The following OPA3 variants were observed in gnomAD, a reference collection of about 807,000 sequenced individuals.
OPA3 encodes outer mitochondrial membrane lipid metabolism regulator OPA3.
Under a neutral mutation model 4.0 loss-of-function variants are expected in OPA3, and 6 were observed. The observed-to-expected ratio is 1.51, with a 90% CI of 0.83 to 2.99. The LOEUF (loss-of-function observed/expected upper bound fraction) is 2.99, where lower values mean the gene tolerates loss of function less well. Among genes scored for constraint, OPA3 ranks in the 30% most tolerant of loss-of-function variants. The pLI, the probability that OPA3 is intolerant of heterozygous loss-of-function variation, is 0.00. For synonymous variants in OPA3, 105 were observed against 117.1 expected, an observed-to-expected ratio of 0.90 and a Z score of 0.67; for missense variants, 235 against 256.2, an observed-to-expected ratio of 0.92 and a Z score of 0.56.
chr19:45,559,851 C>T (rs370967785), intron 1 of OPA3, among the ~76,000 whole-genome samples: 2 of 151,904 alleles, frequency 1.3e-5, no homozygotes, highest in Non-Finnish European at 2.9e-5. Flanking sequence ...AACACGAGGC[C>T]GGCCTTAATA....
chr19:45,544,232 T>C (rs1162176780), downstream of OPA3, among the ~76,000 whole-genome samples: 2 of 152,162 alleles, frequency 1.3e-5, no homozygotes, highest in Non-Finnish European at 2.9e-5. Flanking sequence ...CTAAAAAGAC[T>C]GCAAGCTACA....
intron 1 of OPA3, among the ~76,000 whole-genome samples, chr19:45,578,781 C>T (rs1409766281): frequency 6.6e-6 from 1 of 152,156 alleles, no homozygotes; most frequent in Non-Finnish European, 1.5e-5. Context: ...GAGCCAAGAT[C>T]ACACCATTGC....
At chr19:45,572,755 CTCGATATATA>C (rs1969703072) in intron 1 of OPA3, among the ~76,000 whole-genome samples, 2 of 128,144 alleles carry the variant, frequency 1.6e-5, no homozygotes, top group African/African-American at 3.1e-5. Flanking sequence ...AGATATATAT[CTCGATATATA>C]TCTATATATA....
At chr19:45,583,538 G>A (rs575794061) in intron 1 of OPA3, among the ~76,000 whole-genome samples, 75 of 152,072 alleles carry the variant, frequency 4.9e-4, no homozygotes, top group African/African-American at 1.7e-3. Context: ...GTCTTGCTGT[G>A]TCGCCCAGGC....
intron 1 of OPA3, among the ~76,000 whole-genome samples, chr19:45,533,231 TGACGCCCAGGCTG>T (rs1969078734): frequency 6.6e-6 from 1 of 150,780 alleles, no homozygotes; most frequent in Admixed American, 6.6e-5. Context: ...AGTCTCACTC[TGACGCCCAGGCTG>T]GAGTGCAGTG....
intron 1 of OPA3, among the ~76,000 whole-genome samples, chr19:45,573,654 C>G (rs8113209): frequency 0.038 from 5,839 of 152,012 alleles, 383 homozygotes; most frequent in African/African-American, 0.13. Context: ...AAGCAGGCAG[C>G]CTGGTTCGAG....
intron 1 of OPA3, among the ~76,000 whole-genome samples, chr19:45,576,215 C>A (rs556885265): frequency 6.7e-6 from 1 of 150,358 alleles, no homozygotes; most frequent in Non-Finnish European, 1.5e-5. Flanking sequence ...CATGTGAGAC[C>A]CCCTCTCAAA....
intron 1 of OPA3, chr19:45,529,480 G>C (rs760614364): frequency 1.9e-6 from 3 of 1,576,426 alleles, no homozygotes; most frequent in East Asian, 4.6e-5. Flanking sequence ...CAGGAGTCAG[G>C]GGTCTTTTGC....
At chr19:45,568,499 C>A (rs188268455) in intron 1 of OPA3, among the ~76,000 whole-genome samples, 14 of 152,110 alleles carry the variant, frequency 9.2e-5, no homozygotes, top group Non-Finnish European at 1.9e-4. Flanking sequence ...CCCAATCCAG[C>A]CAGTTTTAAG....
chr19:45,533,562 C>T (rs1969083464), intron 1 of OPA3, among the ~76,000 whole-genome samples: 1 of 152,210 alleles, frequency 6.6e-6, no homozygotes, highest in Admixed American at 6.6e-5. Context: ...TCCTTTTACC[C>T]TATACCTTTG....
At chr19:45,557,337 G>T (rs1019762408) in intron 1 of OPA3, among the ~76,000 whole-genome samples, 1 of 152,108 alleles carries the variant, frequency 6.6e-6, no homozygotes, top group Non-Finnish European at 1.5e-5. Flanking sequence ...ATTCTCCCTC[G>T]GGCCAGCGGT....
chr19:45,579,538 A>G (rs533492352), intron 1 of OPA3, among the ~76,000 whole-genome samples: 1 of 152,014 alleles, frequency 6.6e-6, no homozygotes, highest in African/African-American at 2.4e-5. Flanking sequence ...TATTTCATTT[A>G]TTGTCTGGCT....
In OPA3 at chr19:45,584,645, A is replaced by G. The variant is rs752657560; in HGVS notation, c.120T>C (p.Tyr40=). 4.3e-6 allele frequency: 7 copies of G among 1,614,184 alleles called. No individual in the cohort carries two copies. The South Asian group carries it at 4.4e-5, about 10-fold the overall frequency. Residue 40 remains tyrosine (Y), a synonymous_variant, in exon 1 of 2, where the codon TAT becomes TAC. Coordinates refer to ENST00000263275, the MANE Select transcript of OPA3 (RefSeq NM_025136.4). The stretch of plus-strand genomic sequence containing the variant: ...CACGTTGAGCCGGCGGGAGGCAGAT[A>G]TAGGTCTTGAAGAACTCGCTTCGGC... ...AARRSEFFKT[Y]ICLPPAQLYH... is the part of the protein sequence containing the mutation.
intron 1 of OPA3, among the ~76,000 whole-genome samples, chr19:45,582,601 G>T (rs1969872973): frequency 6.6e-6 from 1 of 152,134 alleles, no homozygotes; most frequent in South Asian, 2.1e-4. Context: ...AGTGAGCCAG[G>T]AGTGCTGATT....
exon 2 of OPA3, chr19:45,528,947 G>C: frequency 7.5e-7 from 1 of 1,329,930 alleles, no homozygotes; most frequent in Admixed American, 2.3e-5. Flanking sequence ...GAAGGACTGG[G>C]TGGTGTCAGC....
chr19:45,544,627 T>G (rs1174066479), downstream of OPA3, among the ~76,000 whole-genome samples: 1 of 152,066 alleles, frequency 6.6e-6, no homozygotes, highest in Non-Finnish European at 1.5e-5. Context: ...AAACCTTGTC[T>G]CCACCAAAAA....
intron 1 of OPA3, among the ~76,000 whole-genome samples, chr19:45,572,509 CATAT>C (rs72121143): frequency 6.6e-5 from 8 of 121,582 alleles, no homozygotes; most frequent in Non-Finnish European, 1.2e-4. Context: ...AGATATATAT[CATAT>C]ATGAGATATG....
chr19:45,570,088 C>A (rs979526211), intron 1 of OPA3, among the ~76,000 whole-genome samples: 1 of 152,182 alleles, frequency 6.6e-6, no homozygotes, highest in African/African-American at 2.4e-5. Flanking sequence ...GACACGGGCG[C>A]CCTCTCCTGT....
At chr19:45,536,710 C>T (rs1010513693) in intron 1 of OPA3, among the ~76,000 whole-genome samples, 1 of 152,078 alleles carries the variant, frequency 6.6e-6, no homozygotes, top group Non-Finnish European at 1.5e-5. Context: ...AGTGGTAAAG[C>T]GTAGAGAATC....
Sources: allele counts gnomAD v4.1 joint callset (sites outside exome capture counted in the v4.1 genomes callset), GRCh38; gene constraint gnomAD v4.1.1; transcripts MANE v1.5; gene names NCBI Gene and HGNC (gene_info 2026-07-23, HGNC 2026-07-21).